Variants in PTPRD observed in about 807,000 individuals in gnomAD.
The protein encoded by PTPRD is receptor-type tyrosine-protein phosphatase delta.
In PTPRD, 34 loss-of-function variants were observed where a neutral mutation model predicts 214.5. The ratio of observed to expected loss-of-function variants is 0.16; its 90% CI spans 0.12 to 0.21. PTPRD has a LOEUF of 0.21. PTPRD is among the 10% of genes least tolerant of loss of function. The pLI, the probability that PTPRD is intolerant of heterozygous loss-of-function variation, is 1.00. For missense variants in PTPRD, 2,545 were observed against 2,398.7 expected, an observed-to-expected ratio of 1.06 and a Z score of -1.27; for synonymous variants, 1,128 against 845.7, an observed-to-expected ratio of 1.33 and a Z score of -5.79.
chr9:8,900,047 G>A (rs1313466271), intron 11 of PTPRD, among the ~76,000 whole-genome samples: 1 of 151,604 alleles, frequency 6.6e-6, no homozygotes, highest in Non-Finnish European at 1.5e-5. Context: ...CAGTGTAGAT[G>A]TGTATCAAAA....
intron 10 of PTPRD, among the ~76,000 whole-genome samples, chr9:9,038,642 G>A (rs1000135039): frequency 2.1e-5 from 3 of 143,900 alleles, no homozygotes; most frequent in South Asian, 2.4e-4. Context: ...TGAAACCTCC[G>A]CCTCTGGGTT....
At chr9:8,365,756 C>G (rs149031628) in intron 39 of PTPRD, among the ~76,000 whole-genome samples, 3 of 152,244 alleles carry the variant, frequency 2.0e-5, no homozygotes, top group East Asian at 3.9e-4. Context: ...TCTCAAAAGG[C>G]CTTGTAGCTT....
intron 11 of PTPRD, among the ~76,000 whole-genome samples, chr9:8,864,143 C>CA (rs1491106151): frequency 4.6e-5 from 7 of 152,180 alleles, no homozygotes; most frequent in African/African-American, 1.7e-4. Context: ...AGAAGGAAAA[C>CA]TCTGTTTCTC....
At chr9:8,856,023 G>C (rs1475547712) in intron 11 of PTPRD, among the ~76,000 whole-genome samples, 4 of 152,144 alleles carry the variant, frequency 2.6e-5, no homozygotes, top group Admixed American at 1.3e-4. Context: ...GAATGTGGGA[G>C]GTAGGGAAAA....
intron 11 of PTPRD, among the ~76,000 whole-genome samples, chr9:8,779,557 G>C (rs2095613388): frequency 6.6e-6 from 1 of 152,022 alleles, no homozygotes; most frequent in Non-Finnish European, 1.5e-5. Flanking sequence ...TTACAACTAG[G>C]AATAACACTA....
chr9:9,157,309 GA>G (rs1208349402), intron 10 of PTPRD, among the ~76,000 whole-genome samples: 6 of 151,206 alleles, frequency 4.0e-5, no homozygotes, highest in Admixed American at 3.3e-4. Flanking sequence ...ACAGAGACCA[GA>G]AAAAAATTAC....
chr9:9,543,557 G>A (rs949264784), intron 8 of PTPRD, among the ~76,000 whole-genome samples: 1 of 151,450 alleles, frequency 6.6e-6, no homozygotes, highest in African/African-American at 2.4e-5. Context: ...CCAAGGTAGG[G>A]TAGATTTAAT....
chr9:8,663,441 T>G (rs973732936), intron 12 of PTPRD, among the ~76,000 whole-genome samples: 7 of 144,836 alleles, frequency 4.8e-5, no homozygotes, highest in African/African-American at 1.9e-4. Context: ...GTTCTGCATG[T>G]GATTGTAAAA....
chr9:10,495,905 A>T (rs1413846125), intron 2 of PTPRD, among the ~76,000 whole-genome samples: 1 of 151,792 alleles, frequency 6.6e-6, no homozygotes, highest in African/African-American at 2.4e-5. Context: ...TTTTACTACC[A>T]TATAGAGAAA....
At chr9:9,158,661 C>T (rs1379356023) in intron 10 of PTPRD, among the ~76,000 whole-genome samples, 5 of 151,910 alleles carry the variant, frequency 3.3e-5, no homozygotes, top group African/African-American at 1.2e-4. Context: ...TCTTCTCAAA[C>T]CCTTTCAGAA....
At chr9:8,845,048 A>G (rs1275507247) in intron 11 of PTPRD, among the ~76,000 whole-genome samples, 1 of 152,156 alleles carries the variant, frequency 6.6e-6, no homozygotes, top group Non-Finnish European at 1.5e-5. Context: ...ACTCAGCCTT[A>G]TATTCCCACA....
At chr9:10,458,693 G>C (rs2098936032) in intron 2 of PTPRD, among the ~76,000 whole-genome samples, 1 of 151,944 alleles carries the variant, frequency 6.6e-6, no homozygotes, top group African/African-American at 2.4e-5. Context: ...ACTACAAAGA[G>C]TAGACAAGAA....
intron 9 of PTPRD, among the ~76,000 whole-genome samples, chr9:9,204,152 A>C (rs2132438454): frequency 6.6e-6 from 1 of 152,188 alleles, no homozygotes; most frequent in East Asian, 1.9e-4. Context: ...AAGAATAGGG[A>C]CTTCTGATTT....
At chr9:8,816,542 C>G (rs893703524) in intron 11 of PTPRD, among the ~76,000 whole-genome samples, 1 of 152,176 alleles carries the variant, frequency 6.6e-6, no homozygotes, top group Non-Finnish European at 1.5e-5. Context: ...TTCTTCCATG[C>G]AACCATGTTG....
intron 2 of PTPRD, among the ~76,000 whole-genome samples, chr9:10,476,459 T>C (rs1368358186): frequency 6.6e-6 from 1 of 152,054 alleles, no homozygotes; most frequent in Non-Finnish European, 1.5e-5. Context: ...CAAGGAGAAC[T>C]ACAATCCACT....
chr9:10,512,378 G>A (rs1404298981), intron 2 of PTPRD, among the ~76,000 whole-genome samples: 1 of 151,868 alleles, frequency 6.6e-6, no homozygotes, highest in Non-Finnish European at 1.5e-5. Context: ...ATACTGCCAA[G>A]AATGGTGAGT....
At chr9:9,058,442 G>T (rs1013197425) in intron 10 of PTPRD, among the ~76,000 whole-genome samples, 8 of 69,900 alleles carry the variant, frequency 1.1e-4, no homozygotes, top group Admixed American at 2.5e-4. Flanking sequence ...TATTATGAGG[G>T]TTTTTTTTTT....
intron 11 of PTPRD, among the ~76,000 whole-genome samples, chr9:8,858,674 C>A (rs926784642): frequency 4.5e-5 from 5 of 109,924 alleles, no homozygotes; most frequent in Admixed American, 3.8e-4. Context: ...TGCGCCCGGA[C>A]GCGGGGAGAG....
intron 6 of PTPRD, among the ~76,000 whole-genome samples, chr9:9,741,073 G>A (rs967631586): frequency 3.3e-5 from 5 of 152,106 alleles, no homozygotes; most frequent in Non-Finnish European, 4.4e-5. Flanking sequence ...TTGGGCAACC[G>A]GGTGATGATA....
Sources: allele counts gnomAD v4.1 joint callset (sites outside exome capture counted in the v4.1 genomes callset), GRCh38; gene constraint gnomAD v4.1.1; transcripts MANE v1.5; gene names NCBI Gene and HGNC (gene_info 2026-07-23, HGNC 2026-07-21).